IRS1: variants seen among roughly 807,000 people sequenced by gnomAD.
IRS1 encodes the protein insulin receptor substrate 1.
IRS1 carries 34 observed loss-of-function variants against 65.6 expected under a neutral mutation model. That is an observed-to-expected ratio of 0.52 (90% confidence interval 0.39 to 0.69). IRS1 has a LOEUF of 0.69. Ranked by LOEUF, IRS1 falls within the 30% of genes least tolerant of loss-of-function variation. The pLI, the probability that IRS1 is intolerant of heterozygous loss-of-function variation, is 0.00. For missense variants in IRS1, 1,641 were observed against 1,720.2 expected (o/e 0.95, Z 0.81); for synonymous variants, 699 against 683.5 (o/e 1.02, Z -0.35).
At chr2:226,784,546 C>G (rs1939451387) in intron 1 of IRS1, among the ~76,000 whole-genome samples, 1 of 152,128 alleles carries the variant, frequency 6.6e-6, no homozygotes, top group Non-Finnish European at 1.5e-5. Flanking sequence ...CCTGAGCCTC[C>G]CGAGTAGCTG....
Position 226,797,947 on chromosome 2 carries a change from G to A in IRS1, c.792C>T (p.Phe264=). 6.2e-7 allele frequency: 1 copy of A among 1,614,108 alleles called. No homozygotes were observed. Among genetic ancestry groups the A allele is most frequent in the Non-Finnish European group, 8.5e-7 (1 of 1,180,020 alleles). ...AGGACTGGCTCTTGCTGCGAGGGCG[G>A]AACTCATCACTCATGGCCCGCATGG... ...LEAMRAMSDE[F]RPRSKSQSSS... is the part of the protein sequence containing the mutation. Residue 264 remains phenylalanine, a synonymous_variant, in exon 1 of 2, where the codon TTC becomes TTT. Coordinates refer to ENST00000305123, the MANE Select transcript of IRS1 (RefSeq NM_005544.3). The surrounding 1 kb of genome is among the most constrained non-coding windows in gnomAD (Gnocchi z 8.1).
At position 226,766,145 on chromosome 2, in the gene IRS1, ATATATATATATATATATATTTTTT is replaced by A. The variant is rs1336194069; in HGVS notation, c.*21+28820_*21+28843del. On this transcript the variant is annotated intron_variant, in intron 1 of 1. Transcript: ENST00000305123. ...CTTATATATATATATATATATATAT[ATATATATATATATATATATTTTTT>A]TTTTTTTTTTTTGAGACAGGGTCTC... Among the ~76,000 whole-genome samples, 2 of 3,768 alleles carry A rather than the reference ATATATATATATATATATATTTTTT, an allele frequency of 5.3e-4. 1 individual carries two copies. Among genetic ancestry groups the A allele is most frequent in the African/African-American group, 1.2e-3 (2 of 1,696 alleles). 2.5% of individuals were successfully genotyped at this position (3,768 alleles called of 152,430 possible). A position where few individuals can be genotyped will look rare whatever the true frequency, so the allele number is the denominator to read the frequency against.
Position 226,798,996 on chromosome 2 carries a change from G to T in IRS1, c.-258C>A. On this transcript the variant is annotated 5_prime_UTR_variant, in exon 1 of 2. Transcript: ENST00000305123. The surrounding 1 kb of genome is among the most constrained non-coding windows in gnomAD (Gnocchi z 9.4). ...CGGGGAGGCAGTGCGTCCGGGGTGA[G>T]GGCAGCCCCGATCCTCCGAGAGCCA... is the stretch of plus-strand genomic sequence containing the variant. The T allele has an allele frequency of 7.0e-7, 1 of 1,430,754 alleles. No homozygotes were observed. 88.6% of individuals were successfully genotyped at this position (1,430,754 alleles called of 1,614,324 possible). A position where few individuals can be genotyped will look rare whatever the true frequency, so the allele number is the denominator to read the frequency against.
chr2:226,752,844 CTT>C (rs1256357453), intron 1 of IRS1, among the ~76,000 whole-genome samples: 1 of 152,242 alleles, frequency 6.6e-6, no homozygotes, highest in African/African-American at 2.4e-5. Flanking sequence ...CCCAGCTCCA[CTT>C]ACTGGCGTGG....
chr2:226,797,576 C>A lies in IRS1; in HGVS notation c.1163G>T (p.Ser388Ile). Residue 388 changes from serine to isoleucine, a missense_variant, in exon 1 of 2, where the codon AGC becomes ATC. Ser to Ile is a moderately radical substitution (Grantham distance 142). This residue lies in a region of IRS1 where 1,324 missense variants were observed against 1,361.0 expected (regional missense o/e 0.97). Coordinates refer to ENST00000305123, the MANE Select transcript of IRS1 (RefSeq NM_005544.3). The surrounding 1 kb of genome is among the most constrained non-coding windows in gnomAD (Gnocchi z 8.1). The part of the protein sequence containing the change: ...PASRCSPSAT[S>I]PVSLSSSSTS... ...GCTACTGGACGACAGACTGACCGGG[C>A]TGGTGGCCGAAGGCGAGCAGCGGGA... 6.3e-7 allele frequency: 1 copy of A among 1,595,596 alleles called. No individual in the cohort carries two copies. The highest frequency in any genetic ancestry group is 1.1e-5 in the South Asian group (1 of 88,592).
intron 1 of IRS1, among the ~76,000 whole-genome samples, chr2:226,773,872 T>A (rs1939212961): frequency 6.6e-6 from 1 of 152,198 alleles, no homozygotes. Flanking sequence ...CTAGTAAAGG[T>A]TCAAAAGTAC....
Position 226,795,843 on chromosome 2 carries a change from C to G in IRS1, c.2896G>C (p.Gly966Arg). The change falls in exon 1 of 2, where the codon GGC becomes CGC. Residue 966 changes from glycine (G) to arginine (R), a missense_variant. Coordinates refer to ENST00000305123, the MANE Select transcript of IRS1 (RefSeq NM_005544.3). The stretch of plus-strand genomic sequence containing the variant: ...CTAGCAGCCCCGGGAGGTGCAGGGC[C>G]CAGTCTGCCCATCTCGACCCCAGTG... ...ESTGVEMGRL[G>R]PAPPGAASIC... 1 of 1,613,322 alleles carries G rather than the reference C, an allele frequency of 6.2e-7. No homozygotes were observed. Among genetic ancestry groups the G allele is most frequent in the Non-Finnish European group, 8.5e-7 (1 of 1,179,916 alleles).
rs564378481 is a variant in IRS1, at chr2:226,797,387, C to T, written c.1352G>A (p.Gly451Asp). 1.9e-6 allele frequency: 3 copies of T among 1,612,428 alleles called. No homozygotes were observed. Among genetic ancestry groups the T allele is most frequent in the East Asian group, 4.5e-5 (2 of 44,854 alleles). ...CTCACCGCGGGCTGGTGGGGTGTGG[C>T]CCAGGGAATCCGGAGTGACACTGCG... ...SFRSVTPDSL[G>D]HTPPARGEEE... Residue 451 changes from glycine to aspartate, a missense_variant, in exon 1 of 2, where the codon GGC (glycine) becomes GAC (aspartate). Gly to Asp is a moderately conservative substitution (Grantham distance 94, BLOSUM62 -1). Coordinates refer to ENST00000305123, the MANE Select transcript of IRS1 (RefSeq NM_005544.3). The surrounding 1 kb of genome is among the most constrained non-coding windows in gnomAD (Gnocchi z 8.1).
chr2:226,752,931 G>C (rs938796598), intron 1 of IRS1, among the ~76,000 whole-genome samples: 3 of 152,198 alleles, frequency 2.0e-5, no homozygotes, highest in Non-Finnish European at 4.4e-5. Context: ...CTAACTCACT[G>C]TGCTGTTGTG....
At chr2:226,774,718 T>G (rs1172579214) in intron 1 of IRS1, among the ~76,000 whole-genome samples, 2 of 152,154 alleles carry the variant, frequency 1.3e-5, no homozygotes, top group Non-Finnish European at 2.9e-5. Flanking sequence ...TCTAGGTAAA[T>G]AAACTATGTT....
chr2:226,798,322 G>A lies in IRS1; in HGVS notation c.417C>T (p.Ser139=). The change falls in exon 1 of 2, where the codon AGC becomes AGT. Residue 139 remains serine (S), a synonymous_variant. Coordinates refer to ENST00000305123, the MANE Select transcript of IRS1 (RefSeq NM_005544.3). This position sits in a 1 kb window ranked among gnomAD's most constrained non-coding sequence, Gnocchi z 9.4. ...AGGGGGSCSG[S]SGLGEAGEDL... ...CCTCCCCAGCCTCACCAAGGCCGGAGCTGCCGCTGCAGCTGCCCCCACCAC... is the reference window on the plus strand; with the variant it reads ...CCTCCCCAGCCTCACCAAGGCCGGAACTGCCGCTGCAGCTGCCCCCACCAC... 6.2e-7 allele frequency: 1 copy of A among 1,613,316 alleles called. No individual in the cohort carries two copies. The highest frequency in any genetic ancestry group is 8.5e-7 in the Non-Finnish European group (1 of 1,179,884).
chr2:226,748,329 T>C (rs929821209), intron 1 of IRS1, among the ~76,000 whole-genome samples: 4 of 148,716 alleles, frequency 2.7e-5, no homozygotes, highest in Admixed American at 1.4e-4. Flanking sequence ...CTCAGGAGGC[T>C]GAGGCACAAG....
chr2:226,798,823 G>T lies in IRS1; in HGVS notation c.-85C>A, dbSNP rs1383208468. 7 of 1,550,128 alleles carry T rather than the reference G, an allele frequency of 4.5e-6. No homozygotes were observed. ...GGGCGGAGGCTCCTCGCCGCGGCCCGGCACATGCAAACAGGGCTGGAGGCA... is the reference window on the plus strand; with the variant it reads ...GGGCGGAGGCTCCTCGCCGCGGCCCTGCACATGCAAACAGGGCTGGAGGCA... On this transcript the variant is annotated 5_prime_UTR_variant, in exon 1 of 2. Coordinates refer to ENST00000305123, the MANE Select transcript of IRS1 (RefSeq NM_005544.3). The surrounding 1 kb of genome is among the most constrained non-coding windows in gnomAD (Gnocchi z 9.4).
intron 1 of IRS1, among the ~76,000 whole-genome samples, chr2:226,768,931 A>C (rs1939110049): frequency 1.3e-5 from 2 of 152,160 alleles, no homozygotes; most frequent in Admixed American, 1.3e-4. Context: ...CACCGCACCC[A>C]GCGAATCCTT....
intron 1 of IRS1, among the ~76,000 whole-genome samples, chr2:226,742,986 A>T (rs1480370696): frequency 6.6e-6 from 1 of 152,172 alleles, no homozygotes; most frequent in Non-Finnish European, 1.5e-5. Flanking sequence ...AAGAATATCC[A>T]CTTCTGTTAT....
chr2:226,796,003 C>T lies in IRS1; in HGVS notation c.2736G>A (p.Pro912=), dbSNP rs200035660. 8.7e-6 allele frequency: 14 copies of T among 1,614,016 alleles called. No individual in the cohort carries two copies. The highest frequency in any genetic ancestry group is 6.7e-5 in the East Asian group (3 of 44,898). The change falls in exon 1 of 2, where the codon CCG becomes CCA. Residue 912 remains proline, a synonymous_variant. Transcript: ENST00000305123. The part of the protein sequence containing the change: ...GSDQSGYLSG[P]VAFHSSPSVR... ...CAGAAGGTGAGCTGTGGAAAGCCAC[C>T]GGGCCAGACAAGTAGCCAGACTGAT...
In IRS1 at chr2:226,798,142, C is replaced by T. The variant is rs764574612; in HGVS notation, c.597G>A (p.Ser199=). The T allele has an allele frequency of 6.2e-7, 1 of 1,614,004 alleles. No individual in the cohort carries two copies. The highest frequency in any genetic ancestry group is 8.5e-7 in the Non-Finnish European group (1 of 1,180,024). Residue 199 remains serine, a synonymous_variant, in exon 1 of 2, where the codon TCG becomes TCA. Transcript: ENST00000305123. The surrounding 1 kb of genome is among the most constrained non-coding windows in gnomAD (Gnocchi z 9.4). ...GCTGCAGCACCACGGCCGCTGCCTC[C>T]GAGTTCAGCTTCACGAAGCTGATGG... ...SKTISFVKLN[S]EAAAVVLQLM... is the part of the protein sequence containing the mutation.
rs148127109 is a variant in IRS1 at position 226,754,416 on chromosome 2, G to A, written c.*22-18166C>T. ...ATAGCCATCATTTGTTACACGTTAG[G>A]CACTACGTGAACAGCGTTAATATGC... On this transcript the variant is annotated intron_variant, in intron 1 of 1. Transcript: ENST00000305123. 1.3e-4 allele frequency among the ~76,000 whole-genome samples: 20 copies of A among 152,286 alleles called. No homozygotes were observed. In the East Asian group the frequency reaches 3.9e-3, roughly 29 times the overall value.
chr2:226,756,791 G>A (rs538701189), intron 1 of IRS1, among the ~76,000 whole-genome samples: 7 of 151,758 alleles, frequency 4.6e-5, no homozygotes, highest in Non-Finnish European at 1.0e-4. Context: ...ATGAAACCCC[G>A]TCTCTACTAA....
Sources: gnomAD v4.1 joint callset for allele counts (sites outside exome capture counted in the v4.1 genomes callset) on GRCh38, gnomAD v4.1.1 for gene constraint, gnomAD v4.1.1 regional missense constraint, Gnocchi (gnomAD v3.1) non-coding constraint, MANE v1.5 for transcripts, NCBI Gene and HGNC (gene_info 2026-07-23, HGNC 2026-07-21) for gene names.